The following RYR2 variants were observed in gnomAD, a reference collection of about 807,000 sequenced individuals.
RYR2 encodes ryanodine receptor 2.
RYR2 carries 227 observed loss-of-function variants against 601.1 expected under a neutral mutation model. The observed-to-expected ratio is 0.38, with a 90% confidence interval of 0.34 to 0.42. The LOEUF is 0.42. RYR2 is among the 10% of genes least tolerant of loss of function. RYR2 has a pLI of 1.00. For synonymous variants in RYR2, 2,223 were observed against 2,175.1 expected (o/e 1.02, Z -0.61); for missense variants, 4,646 against 6,156.5 (o/e 0.75, Z 8.21).
Position 237,715,113 on chromosome 1 carries a change from C to A in RYR2, c.10324-2085C>A, listed in dbSNP as rs530441020. Among the ~76,000 whole-genome samples, 510 of 148,066 alleles carry A rather than the reference C, an allele frequency of 3.4e-3. 4 individuals carry two copies. The highest frequency in any genetic ancestry group is 0.031 in the South Asian group (137 of 4,390). On this transcript the variant is annotated intron_variant, in intron 71 of 104. Transcript: ENST00000366574. ...CATATGGGCCATGTTATTACATCTTCATATCTGATCCAAATGCACAGATTG... is the reference window on the plus strand; with the variant it reads ...CATATGGGCCATGTTATTACATCTTAATATCTGATCCAAATGCACAGATTG...
chr1:237,241,560 G>A (rs1244595027), intron 1 of RYR2, among the ~76,000 whole-genome samples: 1 of 152,196 alleles, frequency 6.6e-6, no homozygotes, highest in Non-Finnish European at 1.5e-5. Context: ...TTCAAGAGAG[G>A]ATAACAGAGT....
chr1:237,131,602 C>T (rs1417771207), intron 1 of RYR2, among the ~76,000 whole-genome samples: 1 of 152,094 alleles, frequency 6.6e-6, no homozygotes, highest in African/African-American at 2.4e-5. Flanking sequence ...GGTATGAAAA[C>T]TGTAAAAGTG....
intron 34 of RYR2, among the ~76,000 whole-genome samples, chr1:237,601,277 C>T (rs791540): frequency 0.35 from 52,948 of 151,988 alleles, 11,048 homozygotes; most frequent in Admixed American, 0.48. Context: ...ACCTGTCATT[C>T]GCACCAATAT....
At chr1:237,074,652 C>A (rs1455456515) in intron 1 of RYR2, among the ~76,000 whole-genome samples, 3 of 152,180 alleles carry the variant, frequency 2.0e-5, no homozygotes, top group African/African-American at 4.8e-5. Context: ...AATGTGTGTT[C>A]CAGTGCCACA....
Position 237,393,763 on chromosome 1 carries a change from C to T in RYR2, c.773+5580C>T, listed in dbSNP as rs554966090. ...TGCCTCTTCTCCTTTGGGAGAGATT[C>T]GCTTTTTACCCCAAACTTAAACTCC... On this transcript the variant is annotated intron_variant, in intron 10 of 104. Transcript: ENST00000366574. Among the ~76,000 whole-genome samples the T allele has an allele frequency of 2.9e-4, 44 of 152,288 alleles. No individual in the cohort carries two copies. In the South Asian group the frequency reaches 3.9e-3, roughly 14 times the overall value.
intron 86 of RYR2, among the ~76,000 whole-genome samples, chr1:237,772,801 A>G: frequency 6.6e-6 from 1 of 151,854 alleles, no homozygotes; most frequent in East Asian, 1.9e-4. Flanking sequence ...GTGGTGGGGG[A>G]AGGTGCATTT....
intron 7 of RYR2, among the ~76,000 whole-genome samples, chr1:237,376,732 T>A (rs1226278590): frequency 6.6e-6 from 1 of 152,182 alleles, no homozygotes; most frequent in Admixed American, 6.6e-5. Flanking sequence ...CTTTTATAAT[T>A]CATTTTTCTT....
chr1:237,476,557 T>C (rs959552977), intron 17 of RYR2, among the ~76,000 whole-genome samples: 2 of 144,058 alleles, frequency 1.4e-5, no homozygotes, highest in African/African-American at 5.2e-5. Context: ...AGTCTTTGAG[T>C]GGTCTCCAGA....
intron 27 of RYR2, among the ~76,000 whole-genome samples, chr1:237,559,079 T>C (rs963645399): frequency 6.6e-6 from 1 of 151,640 alleles, no homozygotes; most frequent in African/African-American, 2.4e-5. Flanking sequence ...ACTGCAACCT[T>C]CACCTCCCAG....
chr1:237,245,924 G>A (rs1256559598), intron 1 of RYR2, among the ~76,000 whole-genome samples: 1 of 151,796 alleles, frequency 6.6e-6, no homozygotes, highest in East Asian at 1.9e-4. Flanking sequence ...TGGCATTACA[G>A]GTTCCCACCA....
rs59445001 is a variant in RYR2, at chr1:237,469,906, T to C, written c.1708+719T>C. ...TTTCAGTATTGTGGAGACTTATCAATGACTGTGAAGACTTATCAGTGATTT... is the reference window on the plus strand; with the variant it reads ...TTTCAGTATTGTGGAGACTTATCAACGACTGTGAAGACTTATCAGTGATTT... On this transcript the variant is annotated intron_variant, in intron 17 of 104. Coordinates refer to ENST00000366574, the MANE Select transcript of RYR2 (RefSeq NM_001035.3). Among the ~76,000 whole-genome samples, 1,325 of 152,334 alleles carry C rather than the reference T, an allele frequency of 8.7e-3. 26 individuals carry two copies. The East Asian group carries it at 0.095, about 11-fold the overall frequency.
intron 2 of RYR2, among the ~76,000 whole-genome samples, chr1:237,284,959 A>G (rs1005490064): frequency 2.6e-5 from 4 of 152,058 alleles, no homozygotes; most frequent in Non-Finnish European, 5.9e-5. Context: ...AAGGTAAACG[A>G]TCATGTCATC....
At chr1:237,117,496 T>C (rs1422230334) in intron 1 of RYR2, among the ~76,000 whole-genome samples, 1 of 152,172 alleles carries the variant, frequency 6.6e-6, no homozygotes, top group South Asian at 2.1e-4. Context: ...TGGGTATTTC[T>C]GGATTCCTGA....
chr1:237,565,775 C>G (rs1179261009), intron 27 of RYR2, among the ~76,000 whole-genome samples: 1 of 152,156 alleles, frequency 6.6e-6, no homozygotes, highest in Non-Finnish European at 1.5e-5. Context: ...TCTGTGGTTT[C>G]AGAAGGACTT....
Position 237,367,384 on chromosome 1 carries a change from G to A in RYR2, c.310-2150G>A, listed in dbSNP as rs576070680. 6.6e-4 allele frequency among the ~76,000 whole-genome samples: 91 copies of A among 136,860 alleles called. 2 individuals carry two copies. In the South Asian group the frequency reaches 7.2e-3, roughly 11 times the overall value. 89.8% of individuals were successfully genotyped at this position (136,860 alleles called of 152,430 possible). On this transcript the variant is annotated intron_variant, in intron 5 of 104. Transcript: ENST00000366574. ...TGGGATTACAAGCGTGAGCCACTGC[G>A]TCTGGCCCCCCAAAAAAAGTGGTTT...
intron 1 of RYR2, among the ~76,000 whole-genome samples, chr1:237,137,089 C>G (rs927544900): frequency 6.7e-6 from 1 of 150,340 alleles, no homozygotes; most frequent in African/African-American, 2.4e-5. Flanking sequence ...CTCTACCATA[C>G]TGTTCATGGG....
intron 66 of RYR2, among the ~76,000 whole-genome samples, chr1:237,704,614 T>C (rs986730908): frequency 6.6e-6 from 1 of 152,102 alleles, no homozygotes. Context: ...TGCCTATATA[T>C]TTATCTGGAC....
intron 1 of RYR2, among the ~76,000 whole-genome samples, chr1:237,131,967 T>A (rs1672218666): frequency 2.0e-5 from 3 of 152,054 alleles, no homozygotes. Flanking sequence ...CAAGCAATCC[T>A]CCCACCTCAG....
At chr1:237,167,708 C>CTTT (rs11288225) in intron 1 of RYR2, among the ~76,000 whole-genome samples, 5 of 101,114 alleles carry the variant, frequency 4.9e-5, no homozygotes, top group African/African-American at 1.2e-4. Flanking sequence ...GATCCACCTC[C>CTTT]TTTTTTTTTT....
Sources: gnomAD v4.1 joint callset for allele counts (sites outside exome capture counted in the v4.1 genomes callset) on GRCh38, gnomAD v4.1.1 for gene constraint, MANE v1.5 for transcripts, NCBI Gene and HGNC (gene_info 2026-07-23, HGNC 2026-07-21) for gene names.